The following MITF variants were observed in gnomAD, a reference collection of about 807,000 sequenced individuals.
MITF encodes melanocyte inducing transcription factor.
In MITF, 17 loss-of-function variants were observed where a neutral mutation model predicts 60.5. That is an observed-to-expected ratio of 0.28 (90% CI 0.19 to 0.42). The LOEUF (loss-of-function observed/expected upper bound fraction) is 0.42, where lower values mean the gene tolerates loss of function less well. MITF is among the 10% of genes least tolerant of loss of function. MITF has a pLI of 1.00. For synonymous variants in MITF, 260 were observed against 248.5 expected (o/e 1.05, Z -0.43); for missense variants, 622 against 683.5 (o/e 0.91, Z 1.00).
At chr3:69,790,047 A>G (rs745396244) in intron 1 of MITF, among the ~76,000 whole-genome samples, 1 of 152,228 alleles carries the variant, frequency 6.6e-6, no homozygotes, top group African/African-American at 2.4e-5. Context: ...GTGAATGGAT[A>G]AACAGAATGT....
chr3:69,872,113 A>G (rs970249321), intron 1 of MITF, among the ~76,000 whole-genome samples: 4 of 152,194 alleles, frequency 2.6e-5, no homozygotes, highest in Admixed American at 6.5e-5. Flanking sequence ...TAACCTTTCA[A>G]TGGTTTGGCT....
At chr3:69,781,231 G>T (rs1575702508) in intron 1 of MITF, among the ~76,000 whole-genome samples, 1 of 152,236 alleles carries the variant, frequency 6.6e-6, no homozygotes, top group East Asian at 1.9e-4. Flanking sequence ...TGCTTTGGGT[G>T]AGCATGTTCT....
At chr3:69,825,104 G>C (rs1474654190) in intron 1 of MITF, among the ~76,000 whole-genome samples, 2 of 152,124 alleles carry the variant, frequency 1.3e-5, no homozygotes, top group Non-Finnish European at 2.9e-5. Context: ...TTTTCAGACA[G>C]TAGTTTGAAA....
intron 1 of MITF, among the ~76,000 whole-genome samples, chr3:69,762,226 G>C (rs542139649): frequency 2.2e-4 from 33 of 152,154 alleles, no homozygotes; most frequent in Non-Finnish European, 4.1e-4. Context: ...AAAAATCCTA[G>C]TTAATGGCTT....
intron 2 of MITF, among the ~76,000 whole-genome samples, chr3:69,913,999 A>C (rs922205933): frequency 6.6e-6 from 1 of 152,210 alleles, no homozygotes; most frequent in Non-Finnish European, 1.5e-5. Flanking sequence ...AGTTGTTTTC[A>C]TGGGCTTTTC....
chr3:69,884,217 C>T (rs138716122), intron 2 of MITF, among the ~76,000 whole-genome samples: 22 of 152,222 alleles, frequency 1.4e-4, no homozygotes, highest in Admixed American at 8.5e-4. Flanking sequence ...GCCTCCCTTC[C>T]GTCATGTTCC....
chr3:69,771,884 T>G (rs1453140560), intron 1 of MITF, among the ~76,000 whole-genome samples: 1 of 152,144 alleles, frequency 6.6e-6, no homozygotes, highest in Non-Finnish European at 1.5e-5. Flanking sequence ...ATGAGAGGGA[T>G]TGCTAAGATT....
At chr3:69,920,391 C>T (rs572527126) in intron 2 of MITF, among the ~76,000 whole-genome samples, 112 of 152,134 alleles carry the variant, frequency 7.4e-4, no homozygotes, top group Non-Finnish European at 1.5e-3. Context: ...CAGGCTTGCC[C>T]GTGGTTTTCC....
At chr3:69,853,632 G>A (rs1331453834) in intron 1 of MITF, among the ~76,000 whole-genome samples, 1 of 151,892 alleles carries the variant, frequency 6.6e-6, no homozygotes, top group African/African-American at 2.4e-5. Context: ...CATCCTTTTT[G>A]TTCTAATCAC....
intron 2 of MITF, among the ~76,000 whole-genome samples, chr3:69,910,839 G>T (rs1485548973): frequency 6.6e-6 from 1 of 151,940 alleles, no homozygotes; most frequent in Non-Finnish European, 1.5e-5. Flanking sequence ...AGGCAGAAGG[G>T]ACTTGCCTTG....
At chr3:69,749,091 A>C (rs1336785854) in intron 1 of MITF, among the ~76,000 whole-genome samples, 5 of 152,230 alleles carry the variant, frequency 3.3e-5, no homozygotes. Flanking sequence ...GGAAATGCTC[A>C]TGGAAATCCT....
chr3:69,810,628 G>A (rs1432765789), intron 1 of MITF, among the ~76,000 whole-genome samples: 1 of 152,148 alleles, frequency 6.6e-6, no homozygotes, highest in Non-Finnish European at 1.5e-5. Context: ...CACATATATT[G>A]CTTTAAGTCT....
At chr3:69,887,727 A>G (rs926382184) in intron 2 of MITF, among the ~76,000 whole-genome samples, 6 of 152,076 alleles carry the variant, frequency 3.9e-5, no homozygotes, top group African/African-American at 1.4e-4. Flanking sequence ...AGGTGAATCT[A>G]TACCATTGTT....
At chr3:69,919,278 T>G (rs2065408589) in intron 2 of MITF, among the ~76,000 whole-genome samples, 1 of 152,230 alleles carries the variant, frequency 6.6e-6, no homozygotes, top group African/African-American at 2.4e-5. Flanking sequence ...CATTTGGGTC[T>G]GCACTTATTT....
At chr3:69,898,827 A>C (rs934653283) in intron 2 of MITF, among the ~76,000 whole-genome samples, 2 of 152,156 alleles carry the variant, frequency 1.3e-5, no homozygotes, top group African/African-American at 4.8e-5. Context: ...AATTTGTTGA[A>C]TGAATGGGAA....
Position 69,932,989 on chromosome 3 carries a change from T to G in MITF, c.355-4833T>G, listed in dbSNP as rs2065756100. ...AACAAATTATCTCTCTAAACATAAG[T>G]GATAAATCTGAACATTTTGTTGAAT... On this transcript the variant is annotated intron_variant, in intron 2 of 9. Coordinates refer to ENST00000352241, the MANE Select transcript of MITF (RefSeq NM_001354604.2). Among the ~76,000 whole-genome samples the G allele has an allele frequency of 1.3e-5, 2 of 152,080 alleles. 1 individual carries two copies.
chr3:69,941,182 G>A (rs1189268747), intron 4 of MITF, 54 bp from the exon 5 acceptor site: 1 of 1,173,316 alleles, frequency 8.5e-7, no homozygotes, highest in African/African-American at 1.5e-5. Flanking sequence ...TTTTTAGGTT[G>A]TGTTGCATAG....
chr3:69,950,248 T>A (rs1019330388), intron 6 of MITF, among the ~76,000 whole-genome samples: 3 of 151,844 alleles, frequency 2.0e-5, no homozygotes, highest in African/African-American at 7.3e-5. Context: ...TGAGCTGTGA[T>A]CACACCACTG....
rs76689726 is a variant in MITF, at chr3:69,927,677, C to G, written c.355-10145C>G. ...GGTTCTCAACTGAGGGCTGTTTTGTCCCCAGGAGGCATTTAGCAATGTTTG... is the reference window on the plus strand; with the variant it reads ...GGTTCTCAACTGAGGGCTGTTTTGTGCCCAGGAGGCATTTAGCAATGTTTG... On this transcript the variant is annotated intron_variant, in intron 2 of 9. Transcript: ENST00000352241. Among the ~76,000 whole-genome samples, 452 of 152,250 alleles carry G rather than the reference C, an allele frequency of 3.0e-3. 1 individual carries two copies. Among genetic ancestry groups the G allele is most frequent in the African/African-American group, 0.011 (441 of 41,548 alleles).
Sources: allele counts gnomAD v4.1 joint callset (sites outside exome capture counted in the v4.1 genomes callset), GRCh38; gene constraint gnomAD v4.1.1; transcripts MANE v1.5; gene names NCBI Gene and HGNC (gene_info 2026-07-23, HGNC 2026-07-21).